Variants in UTP18 observed in about 807,000 individuals in gnomAD.
The protein encoded by UTP18 is UTP18 small subunit processome component.
In UTP18, 36 loss-of-function variants were observed where a neutral mutation model predicts 61.1. That is an observed-to-expected ratio of 0.59 (90% confidence interval 0.45 to 0.78). The LOEUF is 0.78. Ranked by LOEUF, UTP18 falls within the 30% of genes least tolerant of loss-of-function variation. The pLI is 0.00. For missense variants in UTP18, 753 were observed against 693.9 expected, an observed-to-expected ratio of 1.09 and a Z score of -0.96; for synonymous variants, 282 against 251.1, an observed-to-expected ratio of 1.12 and a Z score of -1.16.
intron 11 of UTP18, among the ~76,000 whole-genome samples, chr17:51,290,135 G>A (rs1187486724): frequency 3.3e-5 from 5 of 150,802 alleles, no homozygotes; most frequent in East Asian, 3.8e-4. Context: ...GTTTTGTTGC[G>A]CTGGGCACGG....
rs370949041 is a variant in UTP18, at chr17:51,287,679, G to A, written c.1329-350G>A. On this transcript the variant is annotated intron_variant, in intron 10 of 13. Coordinates refer to ENST00000225298, the MANE Select transcript of UTP18 (RefSeq NM_016001.3). ...GATTTGGATGTGGTGGGTGATAGGT[G>A]GTCTGTGGGAGTAAATGAGATGAAT... Among the ~76,000 whole-genome samples, 13 of 152,236 alleles carry A rather than the reference G, an allele frequency of 8.5e-5. No homozygotes were observed. The East Asian group carries it at 1.5e-3, about 18-fold the overall frequency.
intron 6 of UTP18, 86 bp downstream of exon 6, chr17:51,276,077 T>A: frequency 7.5e-7 from 1 of 1,330,390 alleles, no homozygotes; most frequent in Admixed American, 2.7e-5. Context: ...GCAAAAATAC[T>A]GAAAAAGATA....
chr17:51,284,874 A>G (rs1905053623), intron 9 of UTP18, among the ~76,000 whole-genome samples: 1 of 152,082 alleles, frequency 6.6e-6, no homozygotes, highest in South Asian at 2.1e-4. Context: ...CAGCCTGGCC[A>G]ACATGGTGAA....
In UTP18 at chr17:51,262,282, C is replaced by T. The variant is rs182531477; in HGVS notation, c.343-992C>T. ...TGTATCTTTAGTAGAAACGGGGTTT[C>T]ACCATCTTCGCCAGGCTGGTCTCAA... On this transcript the variant is annotated intron_variant, in intron 1 of 13. Coordinates refer to ENST00000225298, the MANE Select transcript of UTP18 (RefSeq NM_016001.3). Among the ~76,000 whole-genome samples, 5 of 152,082 alleles carry T rather than the reference C, an allele frequency of 3.3e-5. No individual in the cohort carries two copies. In the East Asian group the frequency reaches 9.7e-4, roughly 29 times the overall value.
chr17:51,296,660 T>A (rs1290196940), intron 12 of UTP18: 1 of 248,368 alleles, frequency 4.0e-6, no homozygotes, highest in Non-Finnish European at 7.7e-6. Flanking sequence ...AGAATGACAC[T>A]GTTTCTAGCT....
chr17:51,284,764 C>T (rs1001094615), intron 9 of UTP18, among the ~76,000 whole-genome samples: 1 of 151,994 alleles, frequency 6.6e-6, no homozygotes, highest in Admixed American at 6.6e-5. Flanking sequence ...TGAATGTATA[C>T]AAGAAATATT....
chr17:51,277,727 T>A (rs1021144497), intron 7 of UTP18, among the ~76,000 whole-genome samples: 13 of 152,196 alleles, frequency 8.5e-5, no homozygotes, highest in Non-Finnish European at 8.8e-5. Context: ...TGATTTATAT[T>A]TAAAGGGAAT....
chr17:51,288,567 C>T lies in UTP18; in HGVS notation c.1503+364C>T, dbSNP rs185191501. The T allele has an allele frequency of 3.9e-5, 18 of 458,064 alleles. 2 individuals carry two copies. The highest frequency in any genetic ancestry group is 1.8e-4 in the African/African-American group (9 of 50,266). 28.4% of individuals were successfully genotyped at this position (458,064 alleles called of 1,614,324 possible). A position where few individuals can be genotyped will look rare whatever the true frequency, so the allele number is the denominator to read the frequency against. On this transcript the variant is annotated intron_variant, in intron 11 of 13. Coordinates refer to ENST00000225298, the MANE Select transcript of UTP18 (RefSeq NM_016001.3). ...TTTAAGGCCTGTTGTCTTAACAGAA[C>T]GGAGGCAATTCTCGGGTTTTGAAAG... is the stretch of plus-strand genomic sequence containing the variant.
At chr17:51,296,592 A>AT (rs1043730435) in intron 12 of UTP18, 80 of 167,744 alleles carry the variant, frequency 4.8e-4, no homozygotes, top group East Asian at 8.1e-4. Flanking sequence ...TATAAGTGAA[A>AT]TTTTTTTTTC....
At chr17:51,273,077 C>T (rs992714841) in intron 4 of UTP18, among the ~76,000 whole-genome samples, 5 of 152,042 alleles carry the variant, frequency 3.3e-5, no homozygotes, top group Non-Finnish European at 7.4e-5. Context: ...TTCACTTCAT[C>T]TTGTTTTAGT....
At position 51,263,291 on chromosome 17, in the gene UTP18, C is replaced by T. The variant is rs934110389; in HGVS notation, c.360C>T (p.Asp120=). The T allele has an allele frequency of 3.1e-6, 5 of 1,614,170 alleles. No homozygotes were observed. The highest frequency in any genetic ancestry group is 1.7e-5 in the Admixed American group (1 of 60,022). Residue 120 remains aspartate, a synonymous_variant, in exon 2 of 14, where the codon GAC becomes GAT. Transcript: ENST00000225298. ...LRGPRVQEHE[D]SGDSEVENEA... ...TGCTGTAGGTTCAAGAACATGAAGA[C>T]TCGGGTGACTCAGAAGTGGAGAATG...
At chr17:51,296,890 C>A in intron 12 of UTP18, 75 bp from the exon 13 acceptor site, 2 of 1,399,290 alleles carry the variant, frequency 1.4e-6, no homozygotes, top group Non-Finnish European at 2.0e-6. Flanking sequence ...TTCCTAAGTG[C>A]CCTTCTGTGA....
Position 51,260,553 on chromosome 17 carries a change from G to A in UTP18, c.-32G>A. On this transcript the variant is annotated 5_prime_UTR_variant, in exon 1 of 14. The change creates a new upstream start codon in the 5' untranslated region. Coordinates refer to ENST00000225298, the MANE Select transcript of UTP18 (RefSeq NM_016001.3). ...GGGCGCATGCGCAGCGAGGTTCCAC[G>A]TGAGCGCCTGCGTTTCTCCTCAAAC... is the stretch of plus-strand genomic sequence containing the variant. The A allele has an allele frequency of 1.3e-6, 2 of 1,594,606 alleles. No homozygotes were observed. Among genetic ancestry groups the A allele is most frequent in the Non-Finnish European group, 1.7e-6 (2 of 1,172,548 alleles).
At chr17:51,261,828 G>A (rs1432194338) in intron 1 of UTP18, among the ~76,000 whole-genome samples, 2 of 152,072 alleles carry the variant, frequency 1.3e-5, no homozygotes, top group Non-Finnish European at 2.9e-5. Context: ...GTTAATGTCA[G>A]CTGCTTACCA....
intron 5 of UTP18, among the ~76,000 whole-genome samples, chr17:51,275,002 A>C (rs989801502): frequency 2.0e-5 from 3 of 151,792 alleles, no homozygotes; most frequent in Non-Finnish European, 4.4e-5. Context: ...GTTTGAGACC[A>C]GCGTGACCAA....
intron 5 of UTP18, among the ~76,000 whole-genome samples, chr17:51,273,754 T>TAAATAAATAAAC (rs1476438310): frequency 2.0e-5 from 3 of 151,124 alleles, no homozygotes; most frequent in African/African-American, 7.3e-5. Context: ...AATAAATAAA[T>TAAATAAATAAAC]AAATAAATAA....
chr17:51,293,110 T>C (rs114814945), intron 11 of UTP18, among the ~76,000 whole-genome samples: 193 of 152,348 alleles, frequency 1.3e-3, no homozygotes, highest in African/African-American at 4.5e-3. Flanking sequence ...TTAAAATCTC[T>C]TTTCCCTGTG....
intron 3 of UTP18, among the ~76,000 whole-genome samples, chr17:51,267,022 T>G (rs2055568281): frequency 6.6e-6 from 1 of 152,138 alleles, no homozygotes; most frequent in Non-Finnish European, 1.5e-5. Flanking sequence ...GGAATGGGGT[T>G]TCACTATGTT....
At chr17:51,296,699 A>AT in intron 12 of UTP18, 1 of 344,436 alleles carries the variant, frequency 2.9e-6, no homozygotes, top group African/African-American at 2.1e-5. Context: ...GACTGATGAC[A>AT]TTTTTATTGT....
Sources: gnomAD v4.1 joint callset for allele counts (sites outside exome capture counted in the v4.1 genomes callset) on GRCh38, gnomAD v4.1.1 for gene constraint, MANE v1.5 for transcripts, NCBI Gene and HGNC (gene_info 2026-07-23, HGNC 2026-07-21) for gene names.